The following GNAO1 variants were observed in gnomAD, a reference collection of about 807,000 sequenced individuals.
GNAO1 encodes the protein G protein subunit alpha o1.
For synonymous variants in GNAO1, 164 were observed against 180.7 expected (o/e 0.91, Z 0.74); for missense variants, 166 against 478.7 (o/e 0.35, Z 6.10).
At position 56,192,101 on chromosome 16, in the gene GNAO1, T is replaced by C; in HGVS notation, c.-135T>C. The C allele has an allele frequency of 1.6e-6, 1 of 608,458 alleles. No homozygotes were observed. The highest frequency in any genetic ancestry group is 2.9e-6 in the Non-Finnish European group (1 of 341,862). 37.7% of individuals were successfully genotyped at this position (608,458 alleles called of 1,614,324 possible). A position where few individuals can be genotyped will look rare whatever the true frequency, so the allele number is the denominator to read the frequency against. ...GGGTTCTGGTTTCCCGACATTTTTG[T>C]TTCCAGCCCAGGAGAGGATATCGTG... On this transcript the variant is annotated 5_prime_UTR_variant, in exon 1 of 9. Coordinates refer to ENST00000262493, the MANE Select transcript of GNAO1 (RefSeq NM_020988.3).
At chr16:56,194,817 C>T (rs2036216979) in intron 2 of GNAO1, among the ~76,000 whole-genome samples, 1 of 152,210 alleles carries the variant, frequency 6.6e-6, no homozygotes, top group Non-Finnish European at 1.5e-5. Flanking sequence ...TACTGAATCC[C>T]CCAAAGGGGT....
chr16:56,347,037 G>GC, intron 6 of GNAO1: 2 of 985,446 alleles, frequency 2.0e-6, no homozygotes, highest in Non-Finnish European at 2.4e-6. Context: ...ATCCTTCCTG[G>GC]CCACCCCCTT....
chr16:56,349,979 C>T (rs2037905931), intron 6 of GNAO1, among the ~76,000 whole-genome samples: 1 of 152,340 alleles, frequency 6.6e-6, no homozygotes, highest in Non-Finnish European at 1.5e-5. Flanking sequence ...GGATCTGGCC[C>T]AGCTGTGTCA....
intron 2 of GNAO1, among the ~76,000 whole-genome samples, chr16:56,232,853 G>A (rs929031952): frequency 6.6e-6 from 1 of 152,166 alleles, no homozygotes; most frequent in Admixed American, 6.5e-5. Flanking sequence ...ACAGCTTCAC[G>A]AAGACATCTC....
chr16:56,209,589 C>T lies in GNAO1; in HGVS notation c.161+16973C>T, dbSNP rs373023130. On this transcript the variant is annotated intron_variant, in intron 2 of 8. Transcript: ENST00000262493. ...TTGACATCTCTAAATCTTGAGTCTT[C>T]CTGATCCATGAGCATGATATGTTTC... Among the ~76,000 whole-genome samples, 63 of 152,232 alleles carry T rather than the reference C, an allele frequency of 4.1e-4. No homozygotes were observed. The South Asian group carries it at 9.8e-3, about 24-fold the overall frequency.
chr16:56,203,741 G>A (rs1214668322), intron 2 of GNAO1, among the ~76,000 whole-genome samples: 7 of 152,156 alleles, frequency 4.6e-5, no homozygotes, highest in Non-Finnish European at 8.8e-5. Context: ...TCACGCTGAC[G>A]AAAAGCACAA....
At chr16:56,223,684 A>T (rs141048412) in intron 2 of GNAO1, among the ~76,000 whole-genome samples, 1 of 152,264 alleles carries the variant, frequency 6.6e-6, no homozygotes, top group East Asian at 1.9e-4. Flanking sequence ...TGAGGATGGG[A>T]TGTGGAACCC....
At chr16:56,253,608 G>A (rs1447473060) in intron 2 of GNAO1, among the ~76,000 whole-genome samples, 1 of 152,240 alleles carries the variant, frequency 6.6e-6, no homozygotes, top group Non-Finnish European at 1.5e-5. Context: ...GTAGGTGAAA[G>A]CAGGCCAGCT....
At chr16:56,341,078 CT>C in intron 6 of GNAO1, 1 of 1,016,136 alleles carries the variant, frequency 9.8e-7, no homozygotes. Flanking sequence ...GTGGATGCCC[CT>C]GACTCTGCCA....
At chr16:56,288,455 G>T (rs1238876046) in intron 3 of GNAO1, among the ~76,000 whole-genome samples, 3 of 152,260 alleles carry the variant, frequency 2.0e-5, no homozygotes, top group African/African-American at 7.2e-5. Context: ...ACGCCAGGAA[G>T]TAAGACCAGA....
At chr16:56,338,786 C>T (rs1216476026) in intron 6 of GNAO1, among the ~76,000 whole-genome samples, 3 of 152,166 alleles carry the variant, frequency 2.0e-5, no homozygotes, top group African/African-American at 7.2e-5. Context: ...GCTCTGCAGC[C>T]CATGGGTCCC....
At chr16:56,200,824 C>T (rs2036276019) in intron 2 of GNAO1, among the ~76,000 whole-genome samples, 1 of 152,090 alleles carries the variant, frequency 6.6e-6, no homozygotes, top group African/African-American at 2.4e-5. Flanking sequence ...ATTTGGATAC[C>T]AGAGTATTCC....
At chr16:56,248,455 C>T (rs2036769905) in intron 2 of GNAO1, among the ~76,000 whole-genome samples, 1 of 152,214 alleles carries the variant, frequency 6.6e-6, no homozygotes. Flanking sequence ...ATACTAAATG[C>T]TTGCCCTGTG....
Position 56,351,594 on chromosome 16 carries a change from C to T in GNAO1, c.877+57C>T. On this transcript the variant is annotated intron_variant, in intron 7 of 8. Coordinates refer to ENST00000262493, the MANE Select transcript of GNAO1 (RefSeq NM_020988.3). This position sits in a 1 kb window ranked among gnomAD's most constrained non-coding sequence, Gnocchi z 6.1. The stretch of plus-strand genomic sequence containing the variant: ...GCCTGCCCCTGACAGGGACCCATGG[C>T]TCAGAGAACAGGCTGCTCGGCCAGC... The T allele has an allele frequency of 4.2e-6, 6 of 1,414,808 alleles. No individual in the cohort carries two copies. Among genetic ancestry groups the T allele is most frequent in the Non-Finnish European group, 5.9e-6 (6 of 1,012,912 alleles). The allele number at this position is 1,414,808 out of a possible 1,614,324, so 87.6% of individuals were successfully genotyped here.
intron 3 of GNAO1, among the ~76,000 whole-genome samples, chr16:56,310,416 A>G (rs770580257): frequency 1.3e-5 from 2 of 152,248 alleles, no homozygotes; most frequent in East Asian, 1.9e-4. Flanking sequence ...ATTATGTGCT[A>G]TAGTGTTCTG....
intron 3 of GNAO1, among the ~76,000 whole-genome samples, chr16:56,316,618 C>T (rs934684369): frequency 6.6e-6 from 1 of 152,204 alleles, no homozygotes; most frequent in African/African-American, 2.4e-5. Flanking sequence ...TCCCGAGAAG[C>T]CCCATGTCTC....
At position 56,341,430 on chromosome 16, in the gene GNAO1, G is replaced by C. The variant is rs945216450; in HGVS notation, c.723+4570G>C. Among the ~76,000 whole-genome samples, 31 of 152,246 alleles carry C rather than the reference G, an allele frequency of 2.0e-4. 1 individual carries two copies. The highest frequency in any genetic ancestry group is 1.9e-4 in the Non-Finnish European group (13 of 68,042). On this transcript the variant is annotated intron_variant, in intron 6 of 8. Coordinates refer to ENST00000262493, the MANE Select transcript of GNAO1 (RefSeq NM_020988.3). ...TCAGTCTCTGGGTCTGTGAGATGGG[G>C]TGATGGCTGTGATTGCCCTCGCCTC... is the stretch of plus-strand genomic sequence containing the variant.
intron 6 of GNAO1, among the ~76,000 whole-genome samples, chr16:56,341,383 G>A (rs537488894): frequency 6.6e-6 from 1 of 152,380 alleles, no homozygotes; most frequent in Non-Finnish European, 1.5e-5. Context: ...AGCTCAGGCA[G>A]GTCATGCAGC....
At chr16:56,284,923 T>C (rs2037150317) in intron 3 of GNAO1, among the ~76,000 whole-genome samples, 1 of 152,232 alleles carries the variant, frequency 6.6e-6, no homozygotes, top group African/African-American at 2.4e-5. Context: ...CCATGCGTGC[T>C]TCCATTCATG....
Sources: gnomAD v4.1 joint callset for allele counts (sites outside exome capture counted in the v4.1 genomes callset) on GRCh38, gnomAD v4.1.1 for gene constraint, Gnocchi (gnomAD v3.1) non-coding constraint, MANE v1.5 for transcripts, NCBI Gene and HGNC (gene_info 2026-07-23, HGNC 2026-07-21) for gene names.